MROH1: variants seen among roughly 807,000 people sequenced by gnomAD.
The protein encoded by MROH1 is maestro heat like repeat family member 1.
Under a neutral mutation model 116.5 loss-of-function variants are expected in MROH1, and 117 were observed. The ratio of observed to expected loss-of-function variants is 1.00; its 90% confidence interval spans 0.86 to 1.17. The LOEUF (loss-of-function observed/expected upper bound fraction) is 1.17. MROH1 is among the 50% of genes most tolerant of loss of function. MROH1 has a pLI of 0.00. For synonymous variants in MROH1, 921 were observed against 583.9 expected (o/e 1.58, Z -8.32); for missense variants, 1,873 against 1,338.5 (o/e 1.40, Z -6.23).
Position 144,260,752 on chromosome 8 carries a change from G to T in MROH1, c.4456G>T (p.Asp1486Tyr). Residue 1486 changes from aspartate to tyrosine, a missense_variant, in exon 40 of 44, where the codon GAC (aspartate) becomes TAC (tyrosine). Physicochemically the swap from Asp to Tyr is radical, Grantham distance 160. Coordinates refer to ENST00000326134, the MANE Select transcript of MROH1 (RefSeq NM_032450.3). ...LNKVCHGDCE[D>Y]VFLDQVVGGL... Reference sequence around the variant, plus strand: ...CAAGGTCTGCCACGGAGACTGTGAGGACGTCTTCCTGGACCAGGTGGTGGG... The same window carrying T: ...CAAGGTCTGCCACGGAGACTGTGAGTACGTCTTCCTGGACCAGGTGGTGGG... 1 of 779,356 alleles carries T rather than the reference G, an allele frequency of 1.3e-6. No individual in the cohort carries two copies. The highest frequency in any genetic ancestry group is 2.4e-5 in the East Asian group (1 of 41,250). The allele number at this position is 779,356 out of a possible 1,614,324, so 48.3% of individuals were successfully genotyped here.
At chr8:144,181,579 C>G (rs1445277901) in intron 7 of MROH1, among the ~76,000 whole-genome samples, 1 of 152,194 alleles carries the variant, frequency 6.6e-6, no homozygotes, top group Non-Finnish European at 1.5e-5. Flanking sequence ...CTCTTTCTCA[C>G]CTGTGGATGA....
intron 7 of MROH1, among the ~76,000 whole-genome samples, chr8:144,190,167 C>T (rs551934446): frequency 3.5e-4 from 53 of 152,326 alleles, no homozygotes; most frequent in African/African-American, 1.2e-3. Flanking sequence ...GCCTCTGCAT[C>T]TCTTCTTATA....
At chr8:144,238,496 C>G (rs942301285) in intron 14 of MROH1, among the ~76,000 whole-genome samples, 1 of 152,200 alleles carries the variant, frequency 6.6e-6, no homozygotes, top group Admixed American at 6.5e-5. Flanking sequence ...TGCAACCTCA[C>G]GAGCAGTGAT....
chr8:144,188,100 G>C (rs556343210), intron 7 of MROH1, among the ~76,000 whole-genome samples: 6 of 152,124 alleles, frequency 3.9e-5, no homozygotes, highest in Admixed American at 6.5e-5. Context: ...TTACAGGCTG[G>C]GTTTAAAGTG....
At chr8:144,162,382 C>T (rs906654739) in intron 2 of MROH1, among the ~76,000 whole-genome samples, 4 of 151,192 alleles carry the variant, frequency 2.6e-5, no homozygotes, top group African/African-American at 7.3e-5. Context: ...CCACTGCGCC[C>T]GGCCCTGTTT....
chr8:144,171,859 C>T (rs1363030004), intron 4 of MROH1, among the ~76,000 whole-genome samples: 2 of 152,158 alleles, frequency 1.3e-5, no homozygotes, highest in African/African-American at 4.8e-5. Context: ...ACTCTAACAC[C>T]CTCTTGTCCA....
chr8:144,230,155 C>G (rs1295318552), intron 14 of MROH1, among the ~76,000 whole-genome samples: 1 of 152,150 alleles, frequency 6.6e-6, no homozygotes, highest in Non-Finnish European at 1.5e-5. Context: ...GGCTTCTTTC[C>G]TTAACCCTCA....
chr8:144,180,515 T>A lies in MROH1; in HGVS notation c.554T>A (p.Phe185Tyr). The change falls in exon 7 of 44, where the codon TTC (phenylalanine) becomes TAC (tyrosine). Residue 185 changes from phenylalanine (F) to tyrosine (Y), a missense_variant. Transcript: ENST00000326134. The surrounding 1 kb of genome is among the most constrained non-coding windows in gnomAD (Gnocchi z 7.4). Reference sequence around the variant, plus strand: ...AAGCAGGACACGGTGCGCGTGGCCTTCTGCTCCGGTAAGAGGCGGCCTCGT... The same window carrying A: ...AAGCAGGACACGGTGCGCGTGGCCTACTGCTCCGGTAAGAGGCGGCCTCGT... ...VAKQDTVRVA[F>Y]CSALQRFSEG... 6 of 1,609,714 alleles carry A rather than the reference T, an allele frequency of 3.7e-6. No homozygotes were observed. The highest frequency in any genetic ancestry group is 5.1e-6 in the Non-Finnish European group (6 of 1,179,680).
intron 1 of MROH1, among the ~76,000 whole-genome samples, chr8:144,149,459 A>T (rs1816209265): frequency 6.6e-6 from 1 of 151,980 alleles, no homozygotes; most frequent in Non-Finnish European, 1.5e-5. Context: ...AGGGGGTCAG[A>T]GGTGGAGGCT....
intron 4 of MROH1, among the ~76,000 whole-genome samples, chr8:144,172,431 A>G (rs1328173497): frequency 1.4e-5 from 2 of 143,102 alleles, no homozygotes; most frequent in African/African-American, 5.3e-5. Context: ...TTTTCCCCCG[A>G]GAGGGAGTCT....
intron 14 of MROH1, among the ~76,000 whole-genome samples, chr8:144,231,874 G>A (rs575455770): frequency 7.9e-5 from 12 of 152,308 alleles, no homozygotes; most frequent in African/African-American, 1.9e-4. Flanking sequence ...CGTCACGCCC[G>A]AAATGGGCTT....
At chr8:144,220,299 C>T (rs552460692) in intron 12 of MROH1, among the ~76,000 whole-genome samples, 6 of 152,270 alleles carry the variant, frequency 3.9e-5, no homozygotes, top group Non-Finnish European at 8.8e-5. Flanking sequence ...GATGCTGTAG[C>T]GCTTGAGTAC....
At chr8:144,168,691 C>G (rs1167997909) in intron 4 of MROH1, among the ~76,000 whole-genome samples, 2 of 152,188 alleles carry the variant, frequency 1.3e-5, no homozygotes, top group African/African-American at 2.4e-5. Context: ...CTTTGCTGCC[C>G]CTTTTACTCA....
chr8:144,184,938 C>T (rs956855008), intron 7 of MROH1, among the ~76,000 whole-genome samples: 7 of 152,178 alleles, frequency 4.6e-5, no homozygotes, highest in Non-Finnish European at 7.4e-5. Flanking sequence ...GAGCAGGAGT[C>T]CCCACCCCCT....
intron 1 of MROH1, among the ~76,000 whole-genome samples, chr8:144,151,319 G>A (rs1816736397): frequency 6.8e-6 from 1 of 146,592 alleles, no homozygotes; most frequent in Non-Finnish European, 1.5e-5. Context: ...GCTGGACATA[G>A]AGAGGAGCAG....
chr8:144,259,504 C>A, intron 37 of MROH1, 150 bp downstream of exon 37: 1 of 677,348 alleles, frequency 1.5e-6, no homozygotes. Context: ...CTCCCCCATG[C>A]CAGAACTCAC....
chr8:144,154,456 C>G (rs1207124524), intron 1 of MROH1, among the ~76,000 whole-genome samples: 1 of 152,140 alleles, frequency 6.6e-6, no homozygotes, highest in Non-Finnish European at 1.5e-5. Context: ...AAGGCACTGA[C>G]TAAACCTGAT....
chr8:144,261,602 C>A (rs1354788644), intron 43 of MROH1, 53 bp from the exon 44 acceptor site: 10 of 701,362 alleles, frequency 1.4e-5, no homozygotes, highest in Admixed American at 6.0e-5. Context: ...CACGCGCAGG[C>A]ATGGGCATGC....
intron 31 of MROH1, among the ~76,000 whole-genome samples, 193 bp downstream of exon 31, chr8:144,247,872 A>G (rs1233928417): frequency 6.6e-6 from 1 of 152,234 alleles, no homozygotes; most frequent in African/African-American, 2.4e-5. Flanking sequence ...ACACCCGCCT[A>G]CGCTGGGGCA....
Sources: gnomAD v4.1 joint callset for allele counts (sites outside exome capture counted in the v4.1 genomes callset) on GRCh38, gnomAD v4.1.1 for gene constraint, Gnocchi (gnomAD v3.1) non-coding constraint, MANE v1.5 for transcripts, NCBI Gene and HGNC (gene_info 2026-07-23, HGNC 2026-07-21) for gene names.